The following NKAIN3 variants were observed in gnomAD, a reference collection of about 807,000 sequenced individuals.
The protein encoded by NKAIN3 is sodium/potassium transporting ATPase interacting 3.
NKAIN3 carries 25 observed loss-of-function variants against 30.2 expected under a neutral mutation model. That is an observed-to-expected ratio of 0.83 (90% CI 0.60 to 1.16). The LOEUF is 1.16. Among genes scored for constraint, NKAIN3 ranks in the 50% most tolerant of loss-of-function variants. NKAIN3 has a pLI of 0.00. For missense variants in NKAIN3, 225 were observed against 254.1 expected (o/e 0.89, Z 0.78); for synonymous variants, 91 against 89.6 (o/e 1.02, Z -0.09).
At chr8:62,810,921 T>C (rs1252314711) in intron 4 of NKAIN3, among the ~76,000 whole-genome samples, 3 of 152,168 alleles carry the variant, frequency 2.0e-5, no homozygotes, top group African/African-American at 4.8e-5. Flanking sequence ...CAGTAATAAC[T>C]ATATCTTGCC....
At chr8:62,451,318 CCTT>C (rs1480682717) in intron 1 of NKAIN3, among the ~76,000 whole-genome samples, 2 of 136,760 alleles carry the variant, frequency 1.5e-5, no homozygotes, top group African/African-American at 5.3e-5. Context: ...CCTCCCCTCT[CCTT>C]CTCTCCCCTC....
At chr8:62,250,685 T>G (rs1585596248) in intron 1 of NKAIN3, among the ~76,000 whole-genome samples, 1 of 152,360 alleles carries the variant, frequency 6.6e-6, no homozygotes, top group Admixed American at 6.5e-5. Context: ...GATTTATCAA[T>G]GCAATTATGA....
chr8:62,485,049 C>T (rs1024355924), intron 1 of NKAIN3, among the ~76,000 whole-genome samples: 1 of 152,206 alleles, frequency 6.6e-6, no homozygotes, highest in African/African-American at 2.4e-5. Flanking sequence ...ACTGCATAGT[C>T]CCTGACTGTC....
intron 4 of NKAIN3, among the ~76,000 whole-genome samples, chr8:62,876,762 T>C (rs1454885059): frequency 6.6e-6 from 1 of 151,960 alleles, no homozygotes; most frequent in Non-Finnish European, 1.5e-5. Flanking sequence ...GAGTTGAACA[T>C]TGAGAACTCA....
intron 1 of NKAIN3, chr8:62,473,364 G>A (rs550408233): frequency 1.3e-5 from 2 of 152,112 alleles, no homozygotes; most frequent in South Asian, 2.1e-4. Context: ...AATCTTATTC[G>A]TTTCACTTTC....
intron 6 of NKAIN3, among the ~76,000 whole-genome samples, chr8:62,961,992 CA>C: frequency 6.6e-6 from 1 of 152,082 alleles, no homozygotes; most frequent in Non-Finnish European, 1.5e-5. Context: ...GGAGTTTACC[CA>C]AAAATGTAGA....
At chr8:62,289,031 A>G (rs551181851) in intron 1 of NKAIN3, among the ~76,000 whole-genome samples, 1 of 152,300 alleles carries the variant, frequency 6.6e-6, no homozygotes, top group East Asian at 1.9e-4. Context: ...TTGGCTGCGT[A>G]AATGTCTTCT....
At chr8:62,522,608 G>A (rs1808193299) in intron 1 of NKAIN3, among the ~76,000 whole-genome samples, 1 of 152,104 alleles carries the variant, frequency 6.6e-6, no homozygotes, top group African/African-American at 2.4e-5. Flanking sequence ...TGTGGAGATG[G>A]AAGACAGTGA....
intron 1 of NKAIN3, among the ~76,000 whole-genome samples, chr8:62,319,752 C>G (rs961050833): frequency 3.3e-5 from 5 of 152,098 alleles, no homozygotes; most frequent in African/African-American, 1.2e-4. Context: ...TTACTTCCAA[C>G]TATGTGGCCA....
chr8:62,272,319 A>T (rs1004820543), intron 1 of NKAIN3, among the ~76,000 whole-genome samples: 1 of 152,034 alleles, frequency 6.6e-6, no homozygotes, highest in African/African-American at 2.4e-5. Context: ...AGTATGGGGG[A>T]TATGAGTGTT....
At chr8:62,609,956 A>G (rs1382592318) in intron 3 of NKAIN3, among the ~76,000 whole-genome samples, 1 of 152,144 alleles carries the variant, frequency 6.6e-6, no homozygotes, top group African/African-American at 2.4e-5. Context: ...ATTGGATGCG[A>G]CTGAGCATAG....
intron 3 of NKAIN3, among the ~76,000 whole-genome samples, chr8:62,646,455 G>T (rs932944551): frequency 6.6e-6 from 1 of 152,104 alleles, no homozygotes; most frequent in Non-Finnish European, 1.5e-5. Context: ...TAGTGCAGAA[G>T]ATGATATGCT....
chr8:62,572,447 A>C (rs1585962867), intron 1 of NKAIN3, among the ~76,000 whole-genome samples: 1 of 151,838 alleles, frequency 6.6e-6, no homozygotes, highest in East Asian at 1.9e-4. Flanking sequence ...AACTGTTCCA[A>C]CCTCTGCCTG....
At chr8:62,315,196 C>T (rs891003768) in intron 1 of NKAIN3, among the ~76,000 whole-genome samples, 6 of 152,058 alleles carry the variant, frequency 3.9e-5, no homozygotes, top group Non-Finnish European at 7.4e-5. Context: ...TTTGAAAAAG[C>T]GACTACAAAG....
At chr8:62,690,993 C>A (rs559518222) in intron 3 of NKAIN3, among the ~76,000 whole-genome samples, 3 of 152,202 alleles carry the variant, frequency 2.0e-5, no homozygotes, top group African/African-American at 7.2e-5. Flanking sequence ...GATTTGTTCC[C>A]CTAATATAAT....
intron 3 of NKAIN3, among the ~76,000 whole-genome samples, chr8:62,612,639 C>T (rs1388779021): frequency 6.6e-6 from 1 of 151,632 alleles, no homozygotes; most frequent in Non-Finnish European, 1.5e-5. Context: ...CTTACTCTTG[C>T]CAATTTGTTA....
At chr8:62,330,721 C>G (rs1815315081) in intron 1 of NKAIN3, among the ~76,000 whole-genome samples, 1 of 151,956 alleles carries the variant, frequency 6.6e-6, no homozygotes, top group Admixed American at 6.6e-5. Flanking sequence ...ATTAGAGTGT[C>G]CCTTCCCTTC....
intron 4 of NKAIN3, among the ~76,000 whole-genome samples, chr8:62,774,733 C>A (rs1301613700): frequency 6.6e-6 from 1 of 152,082 alleles, no homozygotes; most frequent in Non-Finnish European, 1.5e-5. Flanking sequence ...GATGAATTAT[C>A]CTTGCATCCC....
intron 1 of NKAIN3, among the ~76,000 whole-genome samples, chr8:62,454,427 G>A (rs938273617): frequency 6.6e-6 from 1 of 151,870 alleles, no homozygotes. Context: ...GGTTGGATTG[G>A]ACAAGCTTGT....
Sources: allele counts gnomAD v4.1 joint callset (sites outside exome capture counted in the v4.1 genomes callset), GRCh38; gene constraint gnomAD v4.1.1; transcripts MANE v1.5; gene names NCBI Gene and HGNC (gene_info 2026-07-23, HGNC 2026-07-21).